Variants in DPP6 observed in about 807,000 individuals in gnomAD.
DPP6 encodes the protein dipeptidyl peptidase like 6, also known as A-type potassium channel modulatory protein DPP6.
Under a neutral mutation model 122.6 loss-of-function variants are expected in DPP6, and 69 were observed. The observed-to-expected ratio is 0.56, with a 90% CI of 0.46 to 0.69. The LOEUF (loss-of-function observed/expected upper bound fraction) is 0.69. Ranked by LOEUF, DPP6 falls within the 30% of genes least tolerant of loss-of-function variation. The pLI, the probability that DPP6 is intolerant of heterozygous loss-of-function variation, is 0.00. For synonymous variants in DPP6, 418 were observed against 433.1 expected (o/e 0.97, Z 0.43); for missense variants, 928 against 1,116.9 (o/e 0.83, Z 2.41).
Position 154,052,589 on chromosome 7 carries a change from C to A in DPP6, c.-232C>A. On this transcript the variant is annotated 5_prime_UTR_variant, in exon 1 of 26. Coordinates refer to ENST00000377770, the MANE Select transcript of DPP6 (RefSeq NM_130797.4). This position sits in a 1 kb window ranked among gnomAD's most constrained non-coding sequence, Gnocchi z 4.8. ...CAGCCAGAGCCCCGGCTTCGCGAGC[C>A]GCCGGGGAGGGGGCGGAGGAGGCTG... 12 of 1,199,718 alleles carry A rather than the reference C, an allele frequency of 1.0e-5. No homozygotes were observed. Among genetic ancestry groups the A allele is most frequent in the Non-Finnish European group, 1.3e-5 (12 of 958,506 alleles). The allele number at this position is 1,199,718 out of a possible 1,614,324, so 74.3% of individuals were successfully genotyped here.
At chr7:153,887,113 C>T (rs1187415338) in exon 1 of DPP6, 2 of 152,544 alleles carry the variant, frequency 1.3e-5, no homozygotes, top group African/African-American at 2.4e-5. Flanking sequence ...GACAGAAAAC[C>T]TGGCGCGCGC....
intron 1 of DPP6, among the ~76,000 whole-genome samples, chr7:153,981,383 TCTATTTA>T (rs1225211688): frequency 4.6e-5 from 7 of 152,224 alleles, no homozygotes; most frequent in African/African-American, 1.7e-4. Flanking sequence ...TTTTTTACTT[TCTATTTA>T]CTTGGTTAAT....
intron 2 of DPP6, among the ~76,000 whole-genome samples, chr7:154,463,992 G>A (rs1049362509): frequency 3.3e-5 from 5 of 152,212 alleles, no homozygotes; most frequent in African/African-American, 1.2e-4. Context: ...TGTCCCCCAA[G>A]TGTACTGGCT....
intron 1 of DPP6, among the ~76,000 whole-genome samples, chr7:154,239,405 C>T (rs892391098): frequency 6.6e-6 from 1 of 152,126 alleles, no homozygotes; most frequent in Non-Finnish European, 1.5e-5. Context: ...CCAGCCCTTC[C>T]TCTTCCTCCT....
At chr7:154,773,222 T>C (rs1211900464) in intron 10 of DPP6, among the ~76,000 whole-genome samples, 1 of 152,220 alleles carries the variant, frequency 6.6e-6, no homozygotes, top group Non-Finnish European at 1.5e-5. Context: ...CAGGCCTGCC[T>C]CAGGGGGACA....
Position 154,493,965 on chromosome 7 carries a change from GTAAGAGGACCATCTGA to G in DPP6, c.457+18931_457+18946del, listed in dbSNP as rs549380769. ...TGTAGCAGGTAAGATAAGCCAAGAA[GTAAGAGGACCATCTGA>G]TAGTTCTTATCTTACTTAGATGGAA... is the stretch of plus-strand genomic sequence containing the variant. On this transcript the variant is annotated intron_variant, in intron 3 of 25. Transcript: ENST00000377770. Among the ~76,000 whole-genome samples the G allele has an allele frequency of 5.7e-4, 87 of 152,314 alleles. No homozygotes were observed. The East Asian group carries it at 0.015, about 27-fold the overall frequency.
chr7:154,178,858 A>T (rs572075693), intron 1 of DPP6, among the ~76,000 whole-genome samples: 16 of 152,310 alleles, frequency 1.1e-4, no homozygotes, highest in Admixed American at 3.9e-4. Flanking sequence ...AGAGAGGAGA[A>T]GTTGGCATGT....
At chr7:153,977,959 G>A (rs1796395127) in intron 1 of DPP6, among the ~76,000 whole-genome samples, 1 of 152,028 alleles carries the variant, frequency 6.6e-6, no homozygotes, top group Non-Finnish European at 1.5e-5. Context: ...GTCATTGATG[G>A]GCATTTGGGT....
intron 16 of DPP6, among the ~76,000 whole-genome samples, chr7:154,828,931 C>T (rs1238968699): frequency 6.6e-6 from 1 of 152,144 alleles, no homozygotes; most frequent in African/African-American, 2.4e-5. Context: ...TTTACAGTGC[C>T]CTGAACATCA....
At chr7:153,976,652 A>G (rs1049119060) in intron 1 of DPP6, among the ~76,000 whole-genome samples, 1 of 152,264 alleles carries the variant, frequency 6.6e-6, no homozygotes, top group African/African-American at 2.4e-5. Flanking sequence ...AGGGCAAGAA[A>G]TGATTTTCAT....
intron 10 of DPP6, chr7:154,793,747 A>G (rs1797835471): frequency 3.4e-5 from 7 of 204,076 alleles, no homozygotes; most frequent in South Asian, 3.4e-4. Context: ...CTGCGGTGTG[A>G]AAGTCAAGGC....
chr7:153,894,454 T>A (rs559629288), intron 1 of DPP6, among the ~76,000 whole-genome samples: 1 of 152,222 alleles, frequency 6.6e-6, no homozygotes, highest in African/African-American at 2.4e-5. Flanking sequence ...ATTCCCCCTT[T>A]ACCATTGTGG....
chr7:154,075,652 CGGG>C (rs897377936), intron 1 of DPP6, among the ~76,000 whole-genome samples: 6 of 119,352 alleles, frequency 5.0e-5, no homozygotes, highest in Non-Finnish European at 1.0e-4. Flanking sequence ...TTTGGGGACT[CGGG>C]GGGAAGGCTG....
intron 1 of DPP6, among the ~76,000 whole-genome samples, chr7:154,266,201 T>A (rs1803408618): frequency 6.6e-6 from 1 of 152,184 alleles, no homozygotes; most frequent in Admixed American, 6.5e-5. Context: ...CTGTGTACAC[T>A]GGTTGAATAA....
At position 154,044,369 on chromosome 7, in the gene DPP6, C is replaced by T. The variant is rs1374375242; in HGVS notation, c.51+156635C>T. 5.9e-5 allele frequency among the ~76,000 whole-genome samples: 9 copies of T among 152,142 alleles called. No individual in the cohort carries two copies. In the East Asian group the frequency reaches 1.7e-3, roughly 29 times the overall value. Reference sequence around the variant, plus strand: ...AAGAAGCAGATACATGGTTTCATTTCAGTTTTATTGCTCCTAATGCAATTT... The same window carrying T: ...AAGAAGCAGATACATGGTTTCATTTTAGTTTTATTGCTCCTAATGCAATTT... On this transcript the variant is annotated intron_variant, in intron 1 of 25. Coordinates refer to the DPP6 transcript ENST00000404039.
intron 1 of DPP6, among the ~76,000 whole-genome samples, chr7:154,227,687 C>T (rs1800692358): frequency 6.6e-6 from 1 of 152,166 alleles, no homozygotes; most frequent in Admixed American, 6.5e-5. Flanking sequence ...TGTTGACATC[C>T]TCCTGGACTT....
intron 5 of DPP6, among the ~76,000 whole-genome samples, chr7:154,596,156 A>C (rs1833079210): frequency 6.6e-6 from 1 of 152,262 alleles, no homozygotes; most frequent in African/African-American, 2.4e-5. Flanking sequence ...TCTCACTTTT[A>C]GAACAGTGCA....
At chr7:154,317,931 A>G (rs1468660944) in intron 1 of DPP6, among the ~76,000 whole-genome samples, 21 of 152,214 alleles carry the variant, frequency 1.4e-4, no homozygotes, top group African/African-American at 4.3e-4. Context: ...TGCGAACCTC[A>G]TGGCTTGAAT....
intron 1 of DPP6, among the ~76,000 whole-genome samples, chr7:154,325,419 T>C (rs187499046): frequency 2.0e-4 from 31 of 152,338 alleles, no homozygotes; most frequent in African/African-American, 7.0e-4. Flanking sequence ...CTTGATAATC[T>C]TGAGCCTCAA....
Sources: gnomAD v4.1 joint callset for allele counts (sites outside exome capture counted in the v4.1 genomes callset) on GRCh38, gnomAD v4.1.1 for gene constraint, Gnocchi (gnomAD v3.1) non-coding constraint, MANE v1.5 for transcripts, NCBI Gene and HGNC (gene_info 2026-07-23, HGNC 2026-07-21) for gene names.